Variants in ITPR1 observed in about 807,000 individuals in gnomAD.
The protein encoded by ITPR1 is inositol 1,4,5-trisphosphate receptor type 1.
In ITPR1, 96 loss-of-function variants were observed where a neutral mutation model predicts 318.4. That is an observed-to-expected ratio of 0.30 (90% confidence interval 0.26 to 0.36). ITPR1 has a LOEUF of 0.36. Among genes scored for constraint, ITPR1 ranks in the 10% least tolerant of loss-of-function variants. The pLI is 1.00. For missense variants in ITPR1, 2,440 were observed against 3,460.2 expected (o/e 0.71, Z 7.40); for synonymous variants, 1,312 against 1,289.9 (o/e 1.02, Z -0.37).
At chr3:4,639,339 C>T in intron 5 of ITPR1, 45 bp from the exon 6 acceptor site, 2 of 1,417,514 alleles carry the variant, frequency 1.4e-6, no homozygotes, top group Middle Eastern at 3.5e-4. Flanking sequence ...TGGGATAGAA[C>T]ACATGGTTTC....
intron 4 of ITPR1, among the ~76,000 whole-genome samples, chr3:4,552,180 A>G (rs2085637126): frequency 6.6e-6 from 1 of 152,178 alleles, no homozygotes; most frequent in South Asian, 2.1e-4. Context: ...GGGTGGGGGA[A>G]ATTCTCCCCA....
chr3:4,704,194 C>T (rs1266528859), intron 36 of ITPR1, among the ~76,000 whole-genome samples: 1 of 152,180 alleles, frequency 6.6e-6, no homozygotes, highest in Non-Finnish European at 1.5e-5. Context: ...GGGCAGATCA[C>T]CTGAGGTTGG....
At chr3:4,708,343 C>T (rs904963026) in intron 37 of ITPR1, among the ~76,000 whole-genome samples, 1 of 152,138 alleles carries the variant, frequency 6.6e-6, no homozygotes, top group Non-Finnish European at 1.5e-5. Flanking sequence ...TGCATCTTAA[C>T]TTGACCTATG....
chr3:4,523,430 AT>A (rs5846325), intron 4 of ITPR1, among the ~76,000 whole-genome samples: 1 of 150,704 alleles, frequency 6.6e-6, no homozygotes, highest in African/African-American at 2.5e-5. Flanking sequence ...CATGCTTATT[AT>A]TTTTTTTGGT....
At chr3:4,550,451 A>G (rs2085454733) in intron 4 of ITPR1, among the ~76,000 whole-genome samples, 1 of 152,234 alleles carries the variant, frequency 6.6e-6, no homozygotes, top group Admixed American at 6.5e-5. Flanking sequence ...TGCCTGGTCC[A>G]TAATAAATGA....
intron 4 of ITPR1, among the ~76,000 whole-genome samples, chr3:4,544,093 C>G (rs562834083): frequency 6.6e-6 from 1 of 152,092 alleles, no homozygotes; most frequent in Non-Finnish European, 1.5e-5. Flanking sequence ...TCCTAGCAGT[C>G]TACTTTTATT....
chr3:4,699,600 G>A lies in ITPR1; in HGVS notation c.4408-213G>A, dbSNP rs6442903. ...TTGTTGGTCTCATACCCATTTTAAT[G>A]TTTGTGATTTTGCATCATGATATCC... On this transcript the variant is annotated intron_variant, in intron 34 of 61. Coordinates refer to ENST00000649015, the MANE Select transcript of ITPR1 (RefSeq NM_001378452.1). 0.036 allele frequency among the ~76,000 whole-genome samples: 5,530 copies of A among 152,226 alleles called. 369 individuals carry two copies. The highest frequency in any genetic ancestry group is 0.13 in the African/African-American group (5,273 of 41,524).
chr3:4,799,272 C>A (rs576213488), intron 53 of ITPR1, among the ~76,000 whole-genome samples: 3 of 152,320 alleles, frequency 2.0e-5, no homozygotes, highest in Admixed American at 2.0e-4. Context: ...TTGTTAAATG[C>A]GTAGAAAGCG....
intron 4 of ITPR1, among the ~76,000 whole-genome samples, chr3:4,602,809 A>G (rs1181312590): frequency 1.3e-5 from 2 of 152,156 alleles, no homozygotes; most frequent in African/African-American, 2.4e-5. Context: ...CCGAGAATTC[A>G]TAGAGACAGA....
intron 2 of ITPR1, among the ~76,000 whole-genome samples, chr3:4,507,462 T>C (rs183386143): frequency 1.3e-4 from 20 of 152,288 alleles, no homozygotes; most frequent in Admixed American, 1.2e-3. Flanking sequence ...TATGAGATCT[T>C]TCTGTTCAGA....
intron 44 of ITPR1, among the ~76,000 whole-genome samples, chr3:4,766,022 C>T (rs1195666658): frequency 2.0e-5 from 3 of 152,210 alleles, no homozygotes; most frequent in African/African-American, 7.2e-5. Context: ...GTACTTTTTA[C>T]TTAACATAAT....
intron 5 of ITPR1, among the ~76,000 whole-genome samples, chr3:4,634,044 T>C (rs954434460): frequency 1.3e-5 from 2 of 152,250 alleles, no homozygotes; most frequent in Non-Finnish European, 2.9e-5. Context: ...CAGACCTTGA[T>C]GTTGCTTAGG....
chr3:4,798,952 C>A (rs183591496), intron 53 of ITPR1, among the ~76,000 whole-genome samples: 14 of 152,296 alleles, frequency 9.2e-5, no homozygotes, highest in African/African-American at 3.4e-4. Flanking sequence ...GCATCACCTG[C>A]AAAGAGGCAC....
In ITPR1 at chr3:4,711,876, A is replaced by G. The variant is rs1428462747; in HGVS notation, c.5103+8A>G. 3 of 1,398,252 alleles carry G rather than the reference A, an allele frequency of 2.1e-6. No individual in the cohort carries two copies. The highest frequency in any genetic ancestry group is 2.9e-6 in the Non-Finnish European group (3 of 1,026,676). The allele number at this position is 1,398,252 out of a possible 1,614,324, so 86.6% of individuals were successfully genotyped here. ...AGAGGCTATGGAGAAAAGGTACTGC[A>G]TTTTATTTTCATGGTCAAACCAGGT... On this transcript the variant is annotated splice_region_variant and intron_variant, in intron 39 of 61. Coordinates refer to ENST00000649015, the MANE Select transcript of ITPR1 (RefSeq NM_001378452.1).
intron 44 of ITPR1, among the ~76,000 whole-genome samples, chr3:4,742,342 A>T (rs573887027): frequency 1.1e-4 from 17 of 152,306 alleles, no homozygotes; most frequent in Admixed American, 1.1e-3. Flanking sequence ...CATGAGGGTA[A>T]AGTGTGTGGT....
At chr3:4,827,107 G>A (rs144284116) in intron 60 of ITPR1, among the ~76,000 whole-genome samples, 88 of 152,312 alleles carry the variant, frequency 5.8e-4, no homozygotes, top group Admixed American at 1.7e-3. Flanking sequence ...ATACATGCAC[G>A]TTTTCCTCAA....
At chr3:4,817,457 G>A (rs978430407) in intron 59 of ITPR1, 1 of 152,210 alleles carries the variant, frequency 6.6e-6, no homozygotes, top group African/African-American at 2.4e-5. Flanking sequence ...CAGCATTACA[G>A]GGTTTATTCT....
chr3:4,551,636 G>A lies in ITPR1; in HGVS notation c.163+30542G>A, dbSNP rs116930424. Among the ~76,000 whole-genome samples the A allele has an allele frequency of 5.9e-5, 9 of 152,330 alleles. No individual in the cohort carries two copies. The East Asian group carries it at 1.7e-3, about 29-fold the overall frequency. ...TGGCCAGGGACTTAATGTTCATTCA[G>A]CAAACATCTGCCAAACCCTCACTAT... On this transcript the variant is annotated intron_variant, in intron 4 of 61. Transcript: ENST00000649015.
At chr3:4,758,070 A>T (rs1194097999) in intron 44 of ITPR1, among the ~76,000 whole-genome samples, 2 of 152,180 alleles carry the variant, frequency 1.3e-5, no homozygotes, top group Non-Finnish European at 2.9e-5. Context: ...ACTGTTTGGC[A>T]GCCACATTTT....
Sources: gnomAD v4.1 joint callset for allele counts (sites outside exome capture counted in the v4.1 genomes callset) on GRCh38, gnomAD v4.1.1 for gene constraint, MANE v1.5 for transcripts, NCBI Gene and HGNC (gene_info 2026-07-23, HGNC 2026-07-21) for gene names.